Variants in GRM7 observed in about 807,000 individuals in gnomAD.
GRM7 encodes glutamate metabotropic receptor 7.
In GRM7, 35 loss-of-function variants were observed where a neutral mutation model predicts 84.5. The observed-to-expected ratio is 0.41, with a 90% confidence interval of 0.32 to 0.55. The LOEUF (loss-of-function observed/expected upper bound fraction) is 0.55, where lower values mean the gene tolerates loss of function less well. Ranked by LOEUF, GRM7 falls within the 20% of genes least tolerant of loss-of-function variation. GRM7 has a pLI of 0.19. For missense variants in GRM7, 1,003 were observed against 1,194.6 expected (o/e 0.84, Z 2.36); for synonymous variants, 487 against 455.1 (o/e 1.07, Z -0.89).
At chr3:7,010,010 T>C (rs1695314258) in intron 1 of GRM7, among the ~76,000 whole-genome samples, 1 of 152,224 alleles carries the variant, frequency 6.6e-6, no homozygotes, top group Non-Finnish European at 1.5e-5. Flanking sequence ...AATTGACTTT[T>C]CAGCTATACC....
intron 9 of GRM7, among the ~76,000 whole-genome samples, chr3:7,695,625 A>G (rs1383641661): frequency 6.6e-6 from 1 of 152,180 alleles, no homozygotes; most frequent in Non-Finnish European, 1.5e-5. Context: ...GCTGGAGCCC[A>G]TATACCTGGA....
At chr3:7,602,991 A>G (rs945858491) in intron 8 of GRM7, among the ~76,000 whole-genome samples, 1 of 152,170 alleles carries the variant, frequency 6.6e-6, no homozygotes, top group African/African-American at 2.4e-5. Flanking sequence ...AATGAGTCAT[A>G]TTTTATAAAC....
rs142543631 is a variant in GRM7 at position 7,615,192 on chromosome 3, T to C, written c.2451+35835T>C. On this transcript the variant is annotated intron_variant, in intron 8 of 9. Coordinates refer to ENST00000357716, the MANE Select transcript of GRM7 (RefSeq NM_000844.4). ...TGCATGATATGTGTGTATATGTGTG[T>C]ATTCTTCCTCCCTTAGAGTTTGTAA... Among the ~76,000 whole-genome samples, 259 of 152,330 alleles carry C rather than the reference T, an allele frequency of 1.7e-3. 2 individuals carry two copies. Among genetic ancestry groups the C allele is most frequent in the African/African-American group, 5.6e-3 (233 of 41,578 alleles).
At chr3:7,403,037 T>C (rs1432563860) in intron 4 of GRM7, 2 of 243,740 alleles carry the variant, frequency 8.2e-6, no homozygotes, top group African/African-American at 2.3e-5. Flanking sequence ...GAGACATTTT[T>C]AGACCAGAGT....
At chr3:6,930,344 A>G (rs1436774372) in intron 1 of GRM7, among the ~76,000 whole-genome samples, 1 of 152,232 alleles carries the variant, frequency 6.6e-6, no homozygotes, top group Non-Finnish European at 1.5e-5. Flanking sequence ...ACAATGTTCG[A>G]TAAAACTTAC....
At chr3:6,880,041 A>G (rs1258345867) in intron 1 of GRM7, among the ~76,000 whole-genome samples, 1 of 152,222 alleles carries the variant, frequency 6.6e-6, no homozygotes, top group Admixed American at 6.5e-5. Flanking sequence ...ACCAAAACTC[A>G]TCATCAGACT....
At chr3:7,444,778 T>A (rs970811613) in intron 5 of GRM7, among the ~76,000 whole-genome samples, 1 of 152,158 alleles carries the variant, frequency 6.6e-6, no homozygotes, top group Non-Finnish European at 1.5e-5. Context: ...AAAATGGAAT[T>A]GCAGAAGAAA....
At chr3:7,697,806 G>A (rs77650921) in intron 9 of GRM7, among the ~76,000 whole-genome samples, 2,786 of 152,246 alleles carry the variant, frequency 0.018, 77 homozygotes, top group African/African-American at 0.054. Flanking sequence ...TGAGGGAGGA[G>A]ACAGCATTCC....
At chr3:7,229,751 ATATATATATTTT>A (rs1167206576) in intron 2 of GRM7, among the ~76,000 whole-genome samples, 15 of 28,632 alleles carry the variant, frequency 5.2e-4, no homozygotes, top group Admixed American at 2.0e-3. Flanking sequence ...ATATATATAT[ATATATATATTTT>A]TTTTTTTTTT....
intron 2 of GRM7, among the ~76,000 whole-genome samples, chr3:7,259,139 G>T (rs896354495): frequency 6.6e-6 from 1 of 152,068 alleles, no homozygotes. Flanking sequence ...ATTTTTGATC[G>T]ACCATTTGGC....
chr3:7,024,936 G>A (rs970075453), intron 1 of GRM7, among the ~76,000 whole-genome samples: 2 of 152,210 alleles, frequency 1.3e-5, no homozygotes, highest in African/African-American at 4.8e-5. Context: ...CTGGAGGTTA[G>A]AAGTTGAAAT....
At chr3:7,555,836 T>C (rs890818316) in intron 7 of GRM7, among the ~76,000 whole-genome samples, 7 of 152,308 alleles carry the variant, frequency 4.6e-5, no homozygotes, top group Admixed American at 2.0e-4. Flanking sequence ...TCTGTATAGC[T>C]GTCTCACTAT....
At chr3:7,236,766 C>T (rs752379779) in intron 2 of GRM7, among the ~76,000 whole-genome samples, 1 of 152,194 alleles carries the variant, frequency 6.6e-6, no homozygotes, top group Non-Finnish European at 1.5e-5. Flanking sequence ...CTCTCAGTTT[C>T]TGTGCCCACT....
intron 4 of GRM7, among the ~76,000 whole-genome samples, chr3:7,364,876 A>G (rs914294309): frequency 5.3e-5 from 8 of 151,878 alleles, no homozygotes; most frequent in African/African-American, 1.9e-4. Context: ...CCCACATGAT[A>G]ATAAATTTCC....
intron 2 of GRM7, among the ~76,000 whole-genome samples, chr3:7,298,379 C>G (rs1032635393): frequency 3.9e-5 from 6 of 152,092 alleles, no homozygotes; most frequent in Non-Finnish European, 7.4e-5. Context: ...CTTCTTCAAC[C>G]CAGCCACTTT....
chr3:7,230,232 A>G (rs1179116510), intron 2 of GRM7, among the ~76,000 whole-genome samples: 1 of 152,160 alleles, frequency 6.6e-6, no homozygotes, highest in East Asian at 1.9e-4. Flanking sequence ...TATGTTTACA[A>G]CAATTTTAGA....
intron 2 of GRM7, among the ~76,000 whole-genome samples, chr3:7,244,515 C>T (rs1697683835): frequency 6.6e-6 from 1 of 152,008 alleles, no homozygotes. Context: ...TTTTTGAAGA[C>T]AGGGCTTAGA....
intron 1 of GRM7, among the ~76,000 whole-genome samples, chr3:7,085,999 G>A (rs1698445779): frequency 6.6e-6 from 1 of 151,970 alleles, no homozygotes; most frequent in African/African-American, 2.4e-5. Context: ...CTTGGCTTTG[G>A]GTTGATAAGG....
intron 4 of GRM7, among the ~76,000 whole-genome samples, chr3:7,393,778 T>C (rs984062356): frequency 6.6e-6 from 1 of 152,198 alleles, no homozygotes; most frequent in South Asian, 2.1e-4. Context: ...AGTAGCTTTT[T>C]TCCCAAATTT....
Sources: allele counts gnomAD v4.1 joint callset (sites outside exome capture counted in the v4.1 genomes callset), GRCh38; gene constraint gnomAD v4.1.1; transcripts MANE v1.5; gene names NCBI Gene and HGNC (gene_info 2026-07-23, HGNC 2026-07-21).